Variants in SART3 observed in about 807,000 individuals in gnomAD.
SART3 encodes the protein HIV-1 Tat-interacting protein of 110kDa.
A neutral mutation model predicts 122.3 loss-of-function variants in SART3; 44 were observed. The ratio of observed to expected loss-of-function variants is 0.36; its 90% confidence interval spans 0.28 to 0.46. SART3 has a LOEUF of 0.46. Ranked by LOEUF, SART3 falls within the 20% of genes least tolerant of loss-of-function variation. The pLI is 1.00. For synonymous variants in SART3, 442 were observed against 454.0 expected, an observed-to-expected ratio of 0.97 and a Z score of 0.34; for missense variants, 1,101 against 1,229.0, an observed-to-expected ratio of 0.90 and a Z score of 1.56.
intron 15 of SART3, among the ~76,000 whole-genome samples, chr12:108,529,302 C>A (rs752250680): frequency 6.6e-6 from 1 of 152,058 alleles, no homozygotes; most frequent in Non-Finnish European, 1.5e-5. Flanking sequence ...CACACGCACA[C>A]GCACACACAC....
At chr12:108,541,729 G>A (rs886888283) in intron 6 of SART3, among the ~76,000 whole-genome samples, 14 of 152,014 alleles carry the variant, frequency 9.2e-5, no homozygotes, top group African/African-American at 2.9e-4. Context: ...TAGTAGAGAC[G>A]GGGTTTCACT....
At chr12:108,551,271 T>C (rs1592774143) in intron 1 of SART3, among the ~76,000 whole-genome samples, 1 of 152,278 alleles carries the variant, frequency 6.6e-6, no homozygotes, top group East Asian at 1.9e-4. Context: ...TAATAATAAA[T>C]AGATCAATCT....
At chr12:108,541,705 A>G (rs1247462796) in intron 6 of SART3, among the ~76,000 whole-genome samples, 2 of 151,712 alleles carry the variant, frequency 1.3e-5, no homozygotes, top group East Asian at 3.9e-4. Flanking sequence ...TGCCCAGCTA[A>G]TTTTTTGTAT....
chr12:108,542,972 T>C, intron 6 of SART3, 56 bp downstream of exon 6: 2 of 1,608,958 alleles, frequency 1.2e-6, no homozygotes, highest in Non-Finnish European at 1.7e-6. Context: ...CTCGCAACTA[T>C]CCATCAGGGA....
chr12:108,538,709 A>C (rs537135014), intron 7 of SART3, among the ~76,000 whole-genome samples: 1 of 152,376 alleles, frequency 6.6e-6, no homozygotes, highest in African/African-American at 2.4e-5. Context: ...TCAAGTTGTT[A>C]TAAGTCCTCA....
Position 108,532,344 on chromosome 12 carries a change from A to G in SART3, c.1557-10T>C. On this transcript the variant is annotated splice_polypyrimidine_tract_variant and intron_variant, in intron 12 of 18. Transcript: ENST00000546815. The stretch of plus-strand genomic sequence containing the variant: ...GGTGTCACCATGAGCTCTAAGGCAG[A>G]AAACAAAAAGTTGCTGCCACCAGGA... 6.2e-7 allele frequency: 1 copy of G among 1,613,122 alleles called. No homozygotes were observed. Among genetic ancestry groups the G allele is most frequent in the Non-Finnish European group, 8.5e-7 (1 of 1,179,596 alleles).
In SART3 at chr12:108,557,013, C is replaced by T. The variant is rs562830173; in HGVS notation, c.312+3830G>A. On this transcript the variant is annotated intron_variant, in intron 1 of 18. Transcript: ENST00000546815. ...CAAGAAGCTGACTTTTAAGGTGTGG[C>T]TTTTGGTGTAAACTTCTGATTTTTA... Among the ~76,000 whole-genome samples the T allele has an allele frequency of 1.7e-3, 261 of 152,112 alleles. 3 individuals are homozygous for T. Among genetic ancestry groups the T allele is most frequent in the Middle Eastern group, 6.8e-3 (2 of 294 alleles).
Position 108,532,348 on chromosome 12 carries a change from CAAA to C in SART3, c.1557-17_1557-15del. ...TCACCATGAGCTCTAAGGCAGAAAACAAAAAGTTGCTGCCACCAGGACACAAAG... is the reference window on the plus strand; with the variant it reads ...TCACCATGAGCTCTAAGGCAGAAAACAAGTTGCTGCCACCAGGACACAAAG... On this transcript the variant is annotated splice_polypyrimidine_tract_variant and intron_variant, in intron 12 of 18. Transcript: ENST00000546815. 1 of 1,611,676 alleles carries C rather than the reference CAAA, an allele frequency of 6.2e-7. No individual in the cohort carries two copies. The highest frequency in any genetic ancestry group is 8.5e-7 in the Non-Finnish European group (1 of 1,178,552).
intron 1 of SART3, among the ~76,000 whole-genome samples, chr12:108,557,725 A>G (rs1392659574): frequency 1.3e-5 from 2 of 152,266 alleles, no homozygotes; most frequent in Admixed American, 6.5e-5. Flanking sequence ...TCAGGGTTGC[A>G]AAGCCATAGT....
At chr12:108,557,492 A>G (rs1368010374) in intron 1 of SART3, among the ~76,000 whole-genome samples, 1 of 152,230 alleles carries the variant, frequency 6.6e-6, no homozygotes, top group Non-Finnish European at 1.5e-5. Flanking sequence ...ACTGATGGAA[A>G]GAAAACAACT....
rs1872208013 is a variant in SART3 at position 108,523,262 on chromosome 12, C to T, written c.*195G>A. On this transcript the variant is annotated 3_prime_UTR_variant, in exon 19 of 19. Coordinates refer to ENST00000546815, the MANE Select transcript of SART3 (RefSeq NM_014706.4). ...CTGCAGAGTGGTCACTTTTCTGCCA[C>T]TGCCCTCAATATGAGGGAGCACTGA... is the stretch of plus-strand genomic sequence containing the variant. The T allele has an allele frequency of 1.6e-6, 1 of 635,972 alleles. No homozygotes were observed. The highest frequency in any genetic ancestry group is 2.5e-5 in the Admixed American group (1 of 39,336). The allele number at this position is 635,972 out of a possible 1,614,324, so 39.4% of individuals were successfully genotyped here.
rs144297601 is a variant in SART3, at chr12:108,538,070, A to G, written c.1196T>C (p.Ile399Thr). 3.1e-6 allele frequency: 5 copies of G among 1,614,016 alleles called. No individual in the cohort carries two copies. In the African/African-American group the frequency reaches 4.0e-5, roughly 13 times the overall value. ...MERHGVDHQV[I>T]SVTFEKALNA... The stretch of plus-strand genomic sequence containing the variant: ...TCCCACAAAAACATCCGCACCAGAA[A>G]TTACTTGATGATCAACTCCATGTCT... The change falls in exon 8 of 19, where the codon ATT becomes ACT. Residue 399 changes from isoleucine (I) to threonine (T), a missense_variant. Ile to Thr is a moderately conservative substitution (Grantham distance 89, BLOSUM62 -1). Coordinates refer to ENST00000546815, the MANE Select transcript of SART3 (RefSeq NM_014706.4).
chr12:108,549,845 A>G (rs1052210616), intron 1 of SART3, among the ~76,000 whole-genome samples: 1 of 151,840 alleles, frequency 6.6e-6, no homozygotes, highest in Non-Finnish European at 1.5e-5. Flanking sequence ...GTCAAACCCT[A>G]TCTCTACCAA....
chr12:108,528,690 G>A (rs1273197220), intron 15 of SART3, among the ~76,000 whole-genome samples: 1 of 152,152 alleles, frequency 6.6e-6, no homozygotes, highest in Non-Finnish European at 1.5e-5. Flanking sequence ...CCCCGGGTGT[G>A]GGAGACCAAA....
chr12:108,543,119 C>G lies in SART3; in HGVS notation c.815G>C (p.Trp272Ser). 1.2e-6 allele frequency: 2 copies of G among 1,614,178 alleles called. No individual in the cohort carries two copies. Among genetic ancestry groups the G allele is most frequent in the African/African-American group, 1.3e-5 (1 of 75,034 alleles). Residue 272 changes from tryptophan (W) to serine (S), a missense_variant, in exon 6 of 19, where the codon TGG becomes TCG. By Grantham distance (177) the Trp-to-Ser change is radical (BLOSUM62 -3). Coordinates refer to ENST00000546815, the MANE Select transcript of SART3 (RefSeq NM_014706.4). ...TGACTCTGGTATTGGGTCTTCTGACCATTCTTCATACTCTGCAAATGTGGC... is the reference window on the plus strand; with the variant it reads ...TGACTCTGGTATTGGGTCTTCTGACGATTCTTCATACTCTGCAAATGTGGC... ...MEATFAEYEE[W>S]SEDPIPESVI...
intron 9 of SART3, 57 bp downstream of exon 9, chr12:108,537,431 C>T: frequency 7.2e-7 from 1 of 1,393,412 alleles, no homozygotes; most frequent in Non-Finnish European, 1.0e-6. Context: ...GACATCTCGC[C>T]AAAAGTTGTA....
At position 108,532,669 on chromosome 12, in the gene SART3, G is replaced by A. The variant is rs7976376; in HGVS notation, c.1557-335C>T. On this transcript the variant is annotated intron_variant, in intron 12 of 18. Transcript: ENST00000546815. ...CAACAGCTCTCTGTAACCTGATACA[G>A]TCCCCAGGGAAATTTTACTATGGCG... is the stretch of plus-strand genomic sequence containing the variant. The A allele has an allele frequency of 4.1e-3, 1,347 of 325,158 alleles. 12 individuals are homozygous for A. Among genetic ancestry groups the A allele is most frequent in the African/African-American group, 0.027 (1,260 of 46,574 alleles). The allele number at this position is 325,158 out of a possible 1,614,324, so 20.1% of individuals were successfully genotyped here.
intron 6 of SART3, among the ~76,000 whole-genome samples, chr12:108,540,039 T>A (rs1005589871): frequency 3.3e-5 from 5 of 152,134 alleles, no homozygotes; most frequent in African/African-American, 1.2e-4. Flanking sequence ...ACAATCCTAT[T>A]GTTGGCAAAG....
Position 108,541,460 on chromosome 12 carries a change from C to T in SART3, c.906+1568G>A, listed in dbSNP as rs150457721. On this transcript the variant is annotated intron_variant, in intron 6 of 18. Coordinates refer to ENST00000546815, the MANE Select transcript of SART3 (RefSeq NM_014706.4). Reference sequence around the variant, plus strand: ...CTGGGGAGAAAATCTGCAACACATACAGCCTAAAATAAGACTTAAGACAAA... The same window carrying T: ...CTGGGGAGAAAATCTGCAACACATATAGCCTAAAATAAGACTTAAGACAAA... 2.9e-3 allele frequency among the ~76,000 whole-genome samples: 440 copies of T among 152,144 alleles called. 1 individual carries two copies. Among genetic ancestry groups the T allele is most frequent in the Non-Finnish European group, 4.3e-3 (292 of 67,982 alleles).
Sources: allele counts gnomAD v4.1 joint callset (sites outside exome capture counted in the v4.1 genomes callset), GRCh38; gene constraint gnomAD v4.1.1; transcripts MANE v1.5; gene names NCBI Gene and HGNC (gene_info 2026-07-23, HGNC 2026-07-21).